SAMD3: variants seen among roughly 807,000 people sequenced by gnomAD.
The protein encoded by SAMD3 is sterile alpha motif domain containing 3.
SAMD3 carries 63 observed loss-of-function variants against 58.5 expected under a neutral mutation model. That is an observed-to-expected ratio of 1.08 (90% CI 0.88 to 1.33). SAMD3 has a LOEUF of 1.33. Among genes scored for constraint, SAMD3 ranks in the 40% most tolerant of loss-of-function variants. SAMD3 has a pLI of 0.00. For missense variants in SAMD3, 604 were observed against 608.4 expected (o/e 0.99, Z 0.08); for synonymous variants, 220 against 210.3 (o/e 1.05, Z -0.40).
intron 1 of SAMD3, among the ~76,000 whole-genome samples, chr6:130,217,269 T>A (rs1414866007): frequency 3.3e-5 from 5 of 152,196 alleles, no homozygotes; most frequent in Admixed American, 6.5e-5. Flanking sequence ...TTATTTATGA[T>A]CTTCTACACC....
intron 2 of SAMD3, among the ~76,000 whole-genome samples, chr6:130,247,413 G>A (rs1190919410): frequency 6.6e-6 from 1 of 151,316 alleles, no homozygotes; most frequent in Non-Finnish European, 1.5e-5. Context: ...GTTGCAGTGA[G>A]CCGAGATTGT....
intron 1 of SAMD3, among the ~76,000 whole-genome samples, chr6:130,344,884 T>TA (rs1452157793): frequency 9.3e-5 from 12 of 129,412 alleles, no homozygotes; most frequent in African/African-American, 3.5e-4. Context: ...TACTTTGGCC[T>TA]AAAAAAATTT....
In SAMD3 at chr6:130,262,444, A is replaced by G. The variant is rs74532953; in HGVS notation, c.-187-39631T>C. Among the ~76,000 whole-genome samples, 1,326 of 139,582 alleles carry G rather than the reference A, an allele frequency of 9.5e-3. 20 individuals are homozygous for G. Among genetic ancestry groups the G allele is most frequent in the African/African-American group, 0.037 (1,276 of 34,090 alleles). The allele number at this position is 139,582 out of a possible 152,430, so 91.6% of individuals were successfully genotyped here. A position where few individuals can be genotyped will look rare whatever the true frequency, so the allele number is the denominator to read the frequency against. On this transcript the variant is annotated intron_variant, in intron 2 of 13. Coordinates refer to the SAMD3 transcript ENST00000368134. ...TTAAAATATGGGGCTATTCTGTTAG[A>G]AAAAAAAAAAAGGAAATTCCCTTAA... is the stretch of plus-strand genomic sequence containing the variant.
intron 2 of SAMD3, among the ~76,000 whole-genome samples, chr6:130,233,631 G>A (rs1796606046): frequency 6.6e-6 from 1 of 152,138 alleles, no homozygotes; most frequent in African/African-American, 2.4e-5. Context: ...CAGGCTGAAA[G>A]GTGATATTTG....
At chr6:130,223,366 G>A (rs1015415976), upstream of SAMD3, among the ~76,000 whole-genome samples, 3 of 152,182 alleles carry the variant, frequency 2.0e-5, no homozygotes, top group Non-Finnish European at 2.9e-5. Flanking sequence ...TGTAATTCTC[G>A]TTACATAGCT....
chr6:130,171,613 G>A (rs1030440894), intron 8 of SAMD3, among the ~76,000 whole-genome samples: 1 of 152,198 alleles, frequency 6.6e-6, no homozygotes, highest in African/African-American at 2.4e-5. Context: ...TTGCTGAGGA[G>A]TGTTTTACTT....
chr6:130,306,539 A>G (rs1775916037), intron 2 of SAMD3, among the ~76,000 whole-genome samples: 1 of 150,480 alleles, frequency 6.6e-6, no homozygotes. Context: ...TAAATCTACC[A>G]TGGCTGGTTG....
Position 130,341,172 on chromosome 6 carries a change from A to C in SAMD3, c.-304+23948T>G, listed in dbSNP as rs545538730. Among the ~76,000 whole-genome samples the C allele has an allele frequency of 1.5e-3, 234 of 152,202 alleles. 1 individual carries two copies. The highest frequency in any genetic ancestry group is 2.2e-3 in the Non-Finnish European group (151 of 67,982). ...GAGGGAGGAAGAGAGGGAGGGAGGA[A>C]GGAAGGAAGGAAATAAATAAATTAG... On this transcript the variant is annotated intron_variant, in intron 1 of 13. Transcript: ENST00000368134.
chr6:130,322,683 G>T (rs534154236), intron 1 of SAMD3, among the ~76,000 whole-genome samples: 1 of 152,162 alleles, frequency 6.6e-6, no homozygotes, highest in Non-Finnish European at 1.5e-5. Flanking sequence ...GGTTTTATGT[G>T]GGATCAATGG....
At chr6:130,318,642 T>A (rs562888039) in intron 1 of SAMD3, among the ~76,000 whole-genome samples, 6 of 152,300 alleles carry the variant, frequency 3.9e-5, no homozygotes, top group Non-Finnish European at 7.4e-5. Flanking sequence ...TTGGCTAGGC[T>A]GGTCTTGAAC....
intron 1 of SAMD3, among the ~76,000 whole-genome samples, chr6:130,349,939 T>C (rs1177957390): frequency 6.6e-6 from 1 of 152,126 alleles, no homozygotes; most frequent in Non-Finnish European, 1.5e-5. Flanking sequence ...ATAAATGTAA[T>C]CCAGCATATA....
At chr6:130,287,223 C>A (rs532584938) in intron 2 of SAMD3, among the ~76,000 whole-genome samples, 2 of 152,342 alleles carry the variant, frequency 1.3e-5, no homozygotes, top group East Asian at 3.9e-4. Flanking sequence ...CATCCTTTGA[C>A]ACGCCATACT....
At chr6:130,183,164 G>C (rs1181992870) in intron 7 of SAMD3, 7 of 352,922 alleles carry the variant, frequency 2.0e-5, no homozygotes, top group Non-Finnish European at 3.9e-5. Flanking sequence ...TTGTACATTA[G>C]AATAATCCCA....
intron 1 of SAMD3, among the ~76,000 whole-genome samples, chr6:130,349,670 A>G (rs1158657898): frequency 6.6e-6 from 1 of 152,248 alleles, no homozygotes; most frequent in East Asian, 1.9e-4. Flanking sequence ...ATTCCTTCTG[A>G]AATTATTCCA....
intron 2 of SAMD3, among the ~76,000 whole-genome samples, chr6:130,257,435 T>C (rs1773963299): frequency 6.6e-6 from 1 of 152,170 alleles, no homozygotes; most frequent in African/African-American, 2.4e-5. Context: ...GAGAAATTGG[T>C]TTCATATAGT....
intron 1 of SAMD3, among the ~76,000 whole-genome samples, chr6:130,345,604 G>A (rs755534828): frequency 6.6e-6 from 1 of 151,986 alleles, no homozygotes; most frequent in Non-Finnish European, 1.5e-5. Context: ...ACCCCCGAGA[G>A]GCAGCAGGGT....
intron 7 of SAMD3, among the ~76,000 whole-genome samples, chr6:130,181,839 T>C (rs1345882356): frequency 2.0e-5 from 3 of 151,806 alleles, no homozygotes; most frequent in Non-Finnish European, 4.4e-5. Context: ...AAACAGTAAA[T>C]GTAAATTTAA....
chr6:130,293,887 T>C (rs1253220529), intron 2 of SAMD3, among the ~76,000 whole-genome samples: 1 of 152,112 alleles, frequency 6.6e-6, no homozygotes, highest in African/African-American at 2.4e-5. Flanking sequence ...GGAAGTCTTA[T>C]GCTATACGGG....
intron 2 of SAMD3, among the ~76,000 whole-genome samples, chr6:130,294,174 A>G (rs1562504650): frequency 6.6e-6 from 1 of 152,186 alleles, no homozygotes; most frequent in Non-Finnish European, 1.5e-5. Flanking sequence ...TTAAAAGGAG[A>G]CTGCTTACTT....
Sources: gnomAD v4.1 joint callset for allele counts (sites outside exome capture counted in the v4.1 genomes callset) on GRCh38, gnomAD v4.1.1 for gene constraint, MANE v1.5 for transcripts, NCBI Gene and HGNC (gene_info 2026-07-23, HGNC 2026-07-21) for gene names.